Variants in PRSS16 observed in about 807,000 individuals in gnomAD.
PRSS16 encodes the protein serine protease 16, also known as thymus-specific serine protease.
A neutral mutation model predicts 61.7 loss-of-function variants in PRSS16; 43 were observed. That is an observed-to-expected ratio of 0.70 (90% CI 0.55 to 0.90). The LOEUF (loss-of-function observed/expected upper bound fraction) is 0.90, where lower values mean the gene tolerates loss of function less well. Ranked by LOEUF, PRSS16 falls within the 40% of genes least tolerant of loss-of-function variation. The probability of loss-of-function intolerance (pLI) is 0.00; values close to 1 mark genes in which losing one functional copy is unlikely to be tolerated. For synonymous variants in PRSS16, 273 were observed against 285.2 expected (o/e 0.96, Z 0.43); for missense variants, 591 against 659.1 (o/e 0.90, Z 1.13).
In PRSS16 at chr6:27,256,272, G is replaced by A. The variant is rs1760028394; in HGVS notation, c.*957G>A. On this transcript the variant is annotated 3_prime_UTR_variant, in exon 12 of 12. Coordinates refer to ENST00000230582, the MANE Select transcript of PRSS16 (RefSeq NM_005865.4). ...CAAATATCACTCCCTGGTACTTCCAGCTTCCAACTCTAGGGATTCATGATT... is the reference window on the plus strand; with the variant it reads ...CAAATATCACTCCCTGGTACTTCCAACTTCCAACTCTAGGGATTCATGATT... 6.6e-6 allele frequency: 1 copy of A among 152,546 alleles called. No homozygotes were observed. The highest frequency in any genetic ancestry group is 2.4e-5 in the African/African-American group (1 of 41,316). The allele number at this position is 152,546 out of a possible 1,614,324, so 9.4% of individuals were successfully genotyped here. A position where few individuals can be genotyped will look rare whatever the true frequency, so the allele number is the denominator to read the frequency against.
Position 27,247,763 on chromosome 6 carries a change from T to A in PRSS16, c.26T>A (p.Leu9Gln). MAVWLAQW[L>Q]GPLLLVSLWG... Reference sequence around the variant, plus strand: ...ATGGCCGTCTGGCTTGCCCAGTGGCTGGGCCCTCTGCTCTTGGTTTCCCTC... The same window carrying A: ...ATGGCCGTCTGGCTTGCCCAGTGGCAGGGCCCTCTGCTCTTGGTTTCCCTC... The change falls in exon 1 of 12, where the codon CTG becomes CAG. Residue 9 changes from leucine (L) to glutamine (Q), a missense_variant. Transcript: ENST00000230582. 6.3e-7 allele frequency: 1 copy of A among 1,589,964 alleles called. No homozygotes were observed. The highest frequency in any genetic ancestry group is 1.1e-5 in the South Asian group (1 of 88,126).
In PRSS16 at chr6:27,251,648, C is replaced by T. The variant is rs1025810882; in HGVS notation, c.718-102C>T. The T allele has an allele frequency of 7.0e-7, 1 of 1,425,320 alleles. No individual in the cohort carries two copies. The highest frequency in any genetic ancestry group is 9.2e-7 in the Non-Finnish European group (1 of 1,083,642). The allele number at this position is 1,425,320 out of a possible 1,614,324, so 88.3% of individuals were successfully genotyped here. A position where few individuals can be genotyped will look rare whatever the true frequency, so the allele number is the denominator to read the frequency against. On this transcript the variant is annotated intron_variant, in intron 7 of 11. Coordinates refer to ENST00000230582, the MANE Select transcript of PRSS16 (RefSeq NM_005865.4). The surrounding 1 kb of genome is among the most constrained non-coding windows in gnomAD (Gnocchi z 5.6). Reference sequence around the variant, plus strand: ...AGCTAGGTCTGCACCCTCTGAGTCCCGCTAGGGGAAAGTGGGGAACCCAAG... The same window carrying T: ...AGCTAGGTCTGCACCCTCTGAGTCCTGCTAGGGGAAAGTGGGGAACCCAAG...
chr6:27,253,380 G>A (rs2113735711), intron 9 of PRSS16: 2 of 366,726 alleles, frequency 5.5e-6, no homozygotes, highest in South Asian at 2.2e-5. Context: ...CTGTCCTGCT[G>A]GGAACCTCCA....
At chr6:27,248,082 C>A in intron 2 of PRSS16, 34 bp downstream of exon 2, 1 of 1,592,740 alleles carries the variant, frequency 6.3e-7, no homozygotes. Context: ...CACTAACCAT[C>A]CTGCCCTCTC....
rs1174583747 is a variant in PRSS16 at position 27,251,557 on chromosome 6, C to T, written c.718-193C>T. 1.4e-6 allele frequency: 1 copy of T among 707,808 alleles called. No homozygotes were observed. The highest frequency in any genetic ancestry group is 3.6e-5 in the Admixed American group (1 of 27,694). 43.8% of individuals were successfully genotyped at this position (707,808 alleles called of 1,614,324 possible). A position where few individuals can be genotyped will look rare whatever the true frequency, so the allele number is the denominator to read the frequency against. Reference sequence around the variant, plus strand: ...GGAGGACGGGGCCTGCAGGGAAGACCCGAGAAGGAGGGCTGCGAGGCAGGG... The same window carrying T: ...GGAGGACGGGGCCTGCAGGGAAGACTCGAGAAGGAGGGCTGCGAGGCAGGG... On this transcript the variant is annotated intron_variant, in intron 7 of 11. Transcript: ENST00000230582. This position sits in a 1 kb window ranked among gnomAD's most constrained non-coding sequence, Gnocchi z 5.6.
chr6:27,251,324 G>C lies in PRSS16; in HGVS notation c.717+60G>C, dbSNP rs2113731291. The C allele has an allele frequency of 6.5e-7, 1 of 1,535,898 alleles. No individual in the cohort carries two copies. The highest frequency in any genetic ancestry group is 2.3e-5 in the East Asian group (1 of 44,272). On this transcript the variant is annotated intron_variant, in intron 7 of 11. Coordinates refer to ENST00000230582, the MANE Select transcript of PRSS16 (RefSeq NM_005865.4). The surrounding 1 kb of genome is among the most constrained non-coding windows in gnomAD (Gnocchi z 5.6). ...AGGGAAAAGAGGCCTCGGATGCCAGGGAAGAGGAGGCCAGAGAAGGGCGAA... is the reference window on the plus strand; with the variant it reads ...AGGGAAAAGAGGCCTCGGATGCCAGCGAAGAGGAGGCCAGAGAAGGGCGAA...
chr6:27,252,793 T>G lies in PRSS16; in HGVS notation c.1009-15T>G. 2 of 1,613,922 alleles carry G rather than the reference T, an allele frequency of 1.2e-6. No homozygotes were observed. Among genetic ancestry groups the G allele is most frequent in the Admixed American group, 3.3e-5 (2 of 60,024 alleles). Reference sequence around the variant, plus strand: ...AGGAGGAATTTATGTCTTATGTATGTACATTGTTCCCTAGATTGTCTTGCA... The same window carrying G: ...AGGAGGAATTTATGTCTTATGTATGGACATTGTTCCCTAGATTGTCTTGCA... On this transcript the variant is annotated splice_polypyrimidine_tract_variant and intron_variant, in intron 8 of 11. Coordinates refer to ENST00000230582, the MANE Select transcript of PRSS16 (RefSeq NM_005865.4). This position sits in a 1 kb window ranked among gnomAD's most constrained non-coding sequence, Gnocchi z 4.2.
In PRSS16 at chr6:27,255,371, C is replaced by A; in HGVS notation, c.*56C>A. ...CACCTCAGTCCTGGACATACTTGTT[C>A]ACTGAACAAAAGAAAGCAGCTTGTT... On this transcript the variant is annotated 3_prime_UTR_variant, in exon 12 of 12. Coordinates refer to ENST00000230582, the MANE Select transcript of PRSS16 (RefSeq NM_005865.4). The surrounding 1 kb of genome is among the most constrained non-coding windows in gnomAD (Gnocchi z 4.4). 1 of 1,498,288 alleles carries A rather than the reference C, an allele frequency of 6.7e-7. No homozygotes were observed. The highest frequency in any genetic ancestry group is 2.0e-5 in the Admixed American group (1 of 50,650). 92.8% of individuals were successfully genotyped at this position (1,498,288 alleles called of 1,614,324 possible).
intron 9 of PRSS16, 109 bp downstream of exon 9, chr6:27,253,058 C>G: frequency 7.1e-7 from 1 of 1,414,724 alleles, no homozygotes; most frequent in South Asian, 1.2e-5. Context: ...AGCTCTCAGG[C>G]ACTGTGTAAC....
intron 9 of PRSS16, 62 bp from the exon 10 acceptor site, chr6:27,254,631 A>G: frequency 1.4e-6 from 2 of 1,444,702 alleles, no homozygotes; most frequent in South Asian, 2.4e-5. Context: ...TTTGAAAATG[A>G]TTATTGAAGG....
At chr6:27,250,851 T>C (rs1759870063) in intron 5 of PRSS16, 45 bp downstream of exon 5, 2 of 1,576,476 alleles carry the variant, frequency 1.3e-6, no homozygotes, top group Admixed American at 1.8e-5. Context: ...GAACTCGGAC[T>C]CCAGGGCCCC....
In PRSS16 at chr6:27,251,014, C is replaced by T. The variant is rs755291401; in HGVS notation, c.592-28C>T. The T allele has an allele frequency of 6.2e-7, 1 of 1,610,654 alleles. No individual in the cohort carries two copies. Among genetic ancestry groups the T allele is most frequent in the East Asian group, 2.2e-5 (1 of 44,870 alleles). ...GATATGCGATTCCAACCCCTCAGCC[C>T]GCAGGCTGACGGCGTCTCCTCCCTT... On this transcript the variant is annotated intron_variant, in intron 5 of 11. Transcript: ENST00000230582. This position sits in a 1 kb window ranked among gnomAD's most constrained non-coding sequence, Gnocchi z 5.6.
rs190153998 is a variant in PRSS16 at position 27,255,455 on chromosome 6, T to G, written c.*140T>G. On this transcript the variant is annotated 3_prime_UTR_variant, in exon 12 of 12. Transcript: ENST00000230582. This position sits in a 1 kb window ranked among gnomAD's most constrained non-coding sequence, Gnocchi z 4.4. ...GCACCTGTTCCGCACGTAATTGGCA[T>G]GTGTCTGCAAACATCCTTATTCCCA... 1.2e-6 allele frequency: 1 copy of G among 827,982 alleles called. No homozygotes were observed. The highest frequency in any genetic ancestry group is 1.7e-5 in the African/African-American group (1 of 58,160). The allele number at this position is 827,982 out of a possible 1,614,324, so 51.3% of individuals were successfully genotyped here.
At position 27,251,281 on chromosome 6, in the gene PRSS16, A is replaced by G; in HGVS notation, c.717+17A>G. On this transcript the variant is annotated intron_variant, in intron 7 of 11. Coordinates refer to ENST00000230582, the MANE Select transcript of PRSS16 (RefSeq NM_005865.4). The surrounding 1 kb of genome is among the most constrained non-coding windows in gnomAD (Gnocchi z 5.6). Reference sequence around the variant, plus strand: ...TCCCTGGAGGTAGGAGGTGGGGCCTAGTCCGAGGGGGACTGGGAGGGAAAA... The same window carrying G: ...TCCCTGGAGGTAGGAGGTGGGGCCTGGTCCGAGGGGGACTGGGAGGGAAAA... The G allele has an allele frequency of 6.3e-7, 1 of 1,593,688 alleles. No individual in the cohort carries two copies. Among genetic ancestry groups the G allele is most frequent in the East Asian group, 2.2e-5 (1 of 44,676 alleles).
rs2113741938 is a variant in PRSS16, at chr6:27,256,422, T to C, written c.*1107T>C. On this transcript the variant is annotated 3_prime_UTR_variant, in exon 12 of 12. Transcript: ENST00000230582. The stretch of plus-strand genomic sequence containing the variant: ...TGCACTGTTCTTTCCTAAAGATCAA[T>C]TATTTTCAGCAATAAATACTTCTCA... 1 of 152,784 alleles carries C rather than the reference T, an allele frequency of 6.5e-6. No homozygotes were observed. Among genetic ancestry groups the C allele is most frequent in the Non-Finnish European group, 1.5e-5 (1 of 68,034 alleles). The allele number at this position is 152,784 out of a possible 1,614,324, so 9.5% of individuals were successfully genotyped here. A position where few individuals can be genotyped will look rare whatever the true frequency, so the allele number is the denominator to read the frequency against.
chr6:27,248,732 A>G (rs540204167), intron 2 of PRSS16, 115 bp from the exon 3 acceptor site: 5 of 602,550 alleles, frequency 8.3e-6, no homozygotes, highest in Non-Finnish European at 1.4e-5. Context: ...CATTTCAGAC[A>G]CTGTTAAGTA....
Position 27,252,725 on chromosome 6 carries a change from C to T in PRSS16, c.1009-83C>T, listed in dbSNP as rs1021510718. On this transcript the variant is annotated intron_variant, in intron 8 of 11. Transcript: ENST00000230582. The surrounding 1 kb of genome is among the most constrained non-coding windows in gnomAD (Gnocchi z 4.2). ...CACCCTTCTATTTCTGACTTTTGAC[C>T]TCTGGGGACATAGGCCTCTGCACCC... The T allele has an allele frequency of 2.6e-6, 4 of 1,520,518 alleles. No homozygotes were observed. The Admixed American group carries it at 5.3e-5, about 20-fold the overall frequency. The allele number at this position is 1,520,518 out of a possible 1,614,324, so 94.2% of individuals were successfully genotyped here.
At chr6:27,253,064 G>A (rs182301903) in intron 9 of PRSS16, 115 bp downstream of exon 9, 11 of 1,352,252 alleles carry the variant, frequency 8.1e-6, no homozygotes, top group Non-Finnish European at 1.1e-5. Flanking sequence ...CAGGCACTGT[G>A]TAACCTGCAG....
At position 27,247,867 on chromosome 6, in the gene PRSS16, C is replaced by T. The variant is rs1433318282; in HGVS notation, c.71-15C>T. On this transcript the variant is annotated splice_polypyrimidine_tract_variant and intron_variant, in intron 1 of 11. Coordinates refer to ENST00000230582, the MANE Select transcript of PRSS16 (RefSeq NM_005865.4). ...AAGGGGGCCAGCCTGACTTCCTTCC[C>T]TCCATGTCCCACAGCCTCCCTTCTT... is the stretch of plus-strand genomic sequence containing the variant. The T allele has an allele frequency of 1.9e-6, 3 of 1,611,896 alleles. No individual in the cohort carries two copies. Among genetic ancestry groups the T allele is most frequent in the Non-Finnish European group, 2.5e-6 (3 of 1,179,046 alleles).
Sources: allele counts gnomAD v4.1 joint callset, GRCh38; gene constraint gnomAD v4.1.1; non-coding constraint Gnocchi (gnomAD v3.1); transcripts MANE v1.5; gene names NCBI Gene and HGNC (gene_info 2026-07-23, HGNC 2026-07-21).